The following ITPR2 variants were observed in gnomAD, a reference collection of about 807,000 sequenced individuals.
The protein encoded by ITPR2 is inositol 1,4,5-trisphosphate-gated calcium channel ITPR2.
Under a neutral mutation model 317.1 loss-of-function variants are expected in ITPR2, and 207 were observed. The observed-to-expected ratio is 0.65, with a 90% CI of 0.58 to 0.73. ITPR2 has a LOEUF of 0.73. ITPR2 is among the 30% of genes least tolerant of loss of function. The pLI is 0.00. For synonymous variants in ITPR2, 1,156 were observed against 1,149.1 expected, an observed-to-expected ratio of 1.01 and a Z score of -0.12; for missense variants, 2,613 against 3,284.0, an observed-to-expected ratio of 0.80 and a Z score of 4.99.
chr12:26,746,448 A>C (rs1391201122), intron 2 of ITPR2, among the ~76,000 whole-genome samples: 1 of 152,108 alleles, frequency 6.6e-6, no homozygotes, highest in Non-Finnish European at 1.5e-5. Flanking sequence ...ACAATTTGCC[A>C]CTCTAAAACA....
chr12:26,447,544 T>G (rs1941637788), intron 45 of ITPR2, among the ~76,000 whole-genome samples: 2 of 149,936 alleles, frequency 1.3e-5, no homozygotes, highest in East Asian at 3.9e-4. Flanking sequence ...TCAAGAAATA[T>G]GCTTTGATGA....
intron 21 of ITPR2, among the ~76,000 whole-genome samples, chr12:26,642,281 C>A (rs1458175714): frequency 6.6e-6 from 1 of 152,128 alleles, no homozygotes; most frequent in Admixed American, 6.5e-5. Flanking sequence ...TTGAATGTGT[C>A]CCCCAAAGCT....
chr12:26,707,081 A>G (rs556310541), intron 9 of ITPR2, among the ~76,000 whole-genome samples: 1 of 152,140 alleles, frequency 6.6e-6, no homozygotes. Context: ...CTACCTGCAC[A>G]TATAATTAGC....
intron 45 of ITPR2, among the ~76,000 whole-genome samples, chr12:26,472,477 G>A (rs1337019173): frequency 6.7e-6 from 1 of 150,196 alleles, no homozygotes; most frequent in Non-Finnish European, 1.5e-5. Flanking sequence ...CCAACATTTT[G>A]CTTCTGGGAA....
At chr12:26,623,107 C>T (rs1290854111) in intron 24 of ITPR2, among the ~76,000 whole-genome samples, 1 of 152,170 alleles carries the variant, frequency 6.6e-6, no homozygotes, top group Non-Finnish European at 1.5e-5. Context: ...ACAACAAAAA[C>T]TGCAATAAGA....
chr12:26,394,337 A>G (rs990046666), intron 54 of ITPR2, among the ~76,000 whole-genome samples: 3 of 152,198 alleles, frequency 2.0e-5, no homozygotes, highest in African/African-American at 7.2e-5. Flanking sequence ...AGAAATATGT[A>G]CAGTGCTATA....
chr12:26,763,304 CAATAAATA>C lies in ITPR2; in HGVS notation c.163+26845_163+26852del, dbSNP rs563337792. ...GAGGAAAAAATTAAACCTACCAGTTCAATAAATAAATAAATAAATAAATGTAATCAAAG... is the reference window on the plus strand; with the variant it reads ...GAGGAAAAAATTAAACCTACCAGTTCAATAAATAAATAAATGTAATCAAAG... On this transcript the variant is annotated intron_variant, in intron 2 of 56. Transcript: ENST00000381340. Among the ~76,000 whole-genome samples the C allele has an allele frequency of 3.3e-5, 5 of 151,056 alleles. No homozygotes were observed. The East Asian group carries it at 5.8e-4, about 18-fold the overall frequency.
Position 26,411,404 on chromosome 12 carries a change from G to T in ITPR2, c.7315C>A (p.Gln2439Lys), listed in dbSNP as rs1298601210. ...GTAGTTAAAGTCATAGTAGGCACTTGATGACTGCCTAAGAAAATACAAAGT... is the reference window on the plus strand; with the variant it reads ...GTAGTTAAAGTCATAGTAGGCACTTTATGACTGCCTAAGAAAATACAAAGT... ...KNRTPVTGSH[Q>K]VPTMTLTTMM... The change falls in exon 52 of 57, where the codon CAA becomes AAA. Residue 2439 changes from glutamine (Q) to lysine (K), a missense_variant. This residue lies in a region of ITPR2 where 113 missense variants were observed against 129.2 expected (regional missense o/e 0.87). Coordinates refer to ENST00000381340, the MANE Select transcript of ITPR2 (RefSeq NM_002223.4). 6.2e-7 allele frequency: 1 copy of T among 1,609,484 alleles called. No homozygotes were observed. The highest frequency in any genetic ancestry group is 1.7e-5 in the Admixed American group (1 of 59,970).
chr12:26,602,262 G>A lies in ITPR2; in HGVS notation c.3678+108C>T, dbSNP rs1047666714. The A allele has an allele frequency of 4.9e-6, 6 of 1,223,652 alleles. No homozygotes were observed. The African/African-American group carries it at 7.7e-5, about 16-fold the overall frequency. The allele number at this position is 1,223,652 out of a possible 1,614,324, so 75.8% of individuals were successfully genotyped here. On this transcript the variant is annotated intron_variant, in intron 28 of 56. Transcript: ENST00000381340. The stretch of plus-strand genomic sequence containing the variant: ...AGGGGTGATGGGGCACCTGGTGGGT[G>A]ATTTATTCTAAAATAATTAAGAAAG...
rs186622901 is a variant in ITPR2, at chr12:26,521,064, A to G, written c.5074-25804T>C. On this transcript the variant is annotated intron_variant, in intron 37 of 56. Transcript: ENST00000381340. The stretch of plus-strand genomic sequence containing the variant: ...ATTAAAGACTCAGATTTTGCCCCTA[A>G]GTAGCTTCCTTTCTATGGTATAAAT... 1.7e-4 allele frequency among the ~76,000 whole-genome samples: 26 copies of G among 152,320 alleles called. No individual in the cohort carries two copies. The East Asian group carries it at 4.8e-3, about 28-fold the overall frequency.
chr12:26,458,595 G>T (rs1294658262), intron 45 of ITPR2, among the ~76,000 whole-genome samples: 1 of 152,146 alleles, frequency 6.6e-6, no homozygotes, highest in Non-Finnish European at 1.5e-5. Context: ...ATAAAAACAA[G>T]ATAAACACGA....
intron 39 of ITPR2, among the ~76,000 whole-genome samples, chr12:26,491,712 G>T (rs1042097540): frequency 1.3e-5 from 2 of 152,074 alleles, no homozygotes; most frequent in Non-Finnish European, 2.9e-5. Flanking sequence ...GTCATCAGTG[G>T]GATGTTCAGG....
chr12:26,395,476 T>C (rs1466622357), intron 54 of ITPR2, among the ~76,000 whole-genome samples: 2 of 152,084 alleles, frequency 1.3e-5, no homozygotes, highest in Non-Finnish European at 1.5e-5. Context: ...ATGTTTTTGG[T>C]TAAAATATAG....
At chr12:26,389,044 T>C (rs1015141127) in intron 54 of ITPR2, among the ~76,000 whole-genome samples, 1 of 152,198 alleles carries the variant, frequency 6.6e-6, no homozygotes, top group Non-Finnish European at 1.5e-5. Context: ...ATCCAGAATC[T>C]GACCACTTCT....
chr12:26,357,154 G>GT (rs1938666975), intron 55 of ITPR2, among the ~76,000 whole-genome samples: 1 of 152,074 alleles, frequency 6.6e-6, no homozygotes, highest in East Asian at 1.9e-4. Context: ...GTGTTGGGAG[G>GT]TTATGGCGTT....
At chr12:26,772,506 TTA>T (rs201315406) in intron 2 of ITPR2, among the ~76,000 whole-genome samples, 1 of 94,772 alleles carries the variant, frequency 1.1e-5, no homozygotes, top group Non-Finnish European at 2.5e-5. Context: ...AATACATGTA[TTA>T]TATATAATAC....
At chr12:26,435,396 C>A (rs1030273170) in intron 48 of ITPR2, among the ~76,000 whole-genome samples, 1 of 152,054 alleles carries the variant, frequency 6.6e-6, no homozygotes, top group African/African-American at 2.4e-5. Context: ...CACAGTAATC[C>A]CATGAAATGA....
At chr12:26,799,470 G>A (rs1333253020) in intron 1 of ITPR2, among the ~76,000 whole-genome samples, 1 of 152,136 alleles carries the variant, frequency 6.6e-6, no homozygotes, top group Non-Finnish European at 1.5e-5. Flanking sequence ...CTTGTGAAGC[G>A]ATTATCTTCA....
In ITPR2 at chr12:26,622,377, C is replaced by T. The variant is rs772387642; in HGVS notation, c.3151G>A (p.Asp1051Asn). Residue 1051 changes from aspartate (D) to asparagine (N), a missense_variant, in exon 25 of 57, where the codon GAT becomes AAT. By Grantham distance (23) the Asp-to-Asn change is conservative. This residue lies in a region of ITPR2 where 817 missense variants were observed against 897.6 expected (regional missense o/e 0.91). Coordinates refer to ENST00000381340, the MANE Select transcript of ITPR2 (RefSeq NM_002223.4). ...CGTAAAAACGTCCTGCCTCCTTCAT[C>T]GTCAAGTTGAACTGGATTTTTTTCT... ...RKEKNPVQLD[D>N]EGGRTFLRVL... The T allele has an allele frequency of 6.9e-6, 11 of 1,605,156 alleles. No individual in the cohort carries two copies. Among genetic ancestry groups the T allele is most frequent in the Middle Eastern group, 1.7e-4 (1 of 6,010 alleles).
Sources: allele counts gnomAD v4.1 joint callset (sites outside exome capture counted in the v4.1 genomes callset), GRCh38; gene constraint gnomAD v4.1.1; regional missense constraint gnomAD v4.1.1; transcripts MANE v1.5; gene names NCBI Gene and HGNC (gene_info 2026-07-23, HGNC 2026-07-21).